Variants in PRDM5 observed in about 807,000 individuals in gnomAD.
PRDM5 encodes PR/SET domain 5.
PRDM5 carries 56 observed loss-of-function variants against 81.2 expected under a neutral mutation model. The ratio of observed to expected loss-of-function variants is 0.69; its 90% confidence interval spans 0.56 to 0.86. The LOEUF (loss-of-function observed/expected upper bound fraction) is 0.86. PRDM5 is among the 40% of genes least tolerant of loss of function. The pLI is 0.00. For synonymous variants in PRDM5, 267 were observed against 256.4 expected (o/e 1.04, Z -0.39); for missense variants, 697 against 770.1 (o/e 0.91, Z 1.12).
chr4:120,691,388 C>G (rs1734041582), downstream of PRDM5, among the ~76,000 whole-genome samples: 1 of 152,046 alleles, frequency 6.6e-6, no homozygotes, highest in South Asian at 2.1e-4. Context: ...TCTGAAAAAT[C>G]AAAGTTAAAT....
At chr4:120,916,368 CAGAGCAAGACTGTAT>C (rs1724164921) in intron 1 of PRDM5, among the ~76,000 whole-genome samples, 1 of 148,818 alleles carries the variant, frequency 6.7e-6, no homozygotes, top group Non-Finnish European at 1.5e-5. Context: ...GCCTGGACGA[CAGAGCAAGACTGTAT>C]CTCATAAATA....
At position 120,781,127 on chromosome 4, in the gene PRDM5, G is replaced by A; in HGVS notation, c.1443+16C>T. The A allele has an allele frequency of 6.2e-7, 1 of 1,608,484 alleles. No individual in the cohort carries two copies. The highest frequency in any genetic ancestry group is 8.5e-7 in the Non-Finnish European group (1 of 1,175,470). On this transcript the variant is annotated intron_variant, in intron 12 of 15. Coordinates refer to ENST00000264808, the MANE Select transcript of PRDM5 (RefSeq NM_018699.4). ...AACACGTAATCTGTTCAAACTAACAGAAGACTTCCACTTACTTTCTTATGA... is the reference window on the plus strand; with the variant it reads ...AACACGTAATCTGTTCAAACTAACAAAAGACTTCCACTTACTTTCTTATGA...
chr4:120,800,087 C>T (rs1751922983), intron 8 of PRDM5, among the ~76,000 whole-genome samples: 1 of 152,148 alleles, frequency 6.6e-6, no homozygotes, highest in Admixed American at 6.5e-5. Context: ...AAATATGTAG[C>T]ATGCAGTTAA....
chr4:120,831,578 A>G (rs1756718994), intron 3 of PRDM5, among the ~76,000 whole-genome samples: 1 of 152,132 alleles, frequency 6.6e-6, no homozygotes, highest in Admixed American at 6.5e-5. Context: ...CGATAAGTCT[A>G]TAAAAGAAAT....
intron 5 of PRDM5, chr4:120,818,128 G>A (rs1197153304): frequency 1.9e-6 from 1 of 513,722 alleles, no homozygotes; most frequent in East Asian, 3.3e-5. Flanking sequence ...CAGTGTTTAT[G>A]TGTTAAAATC....
intron 14 of PRDM5, among the ~76,000 whole-genome samples, chr4:120,735,030 A>G (rs1364391476): frequency 6.6e-6 from 1 of 152,234 alleles, no homozygotes; most frequent in Non-Finnish European, 1.5e-5. Flanking sequence ...GACCAAATGC[A>G]TGTTCTTAAA....
At chr4:120,864,001 C>T (rs1760930196) in intron 2 of PRDM5, among the ~76,000 whole-genome samples, 2 of 152,148 alleles carry the variant, frequency 1.3e-5, no homozygotes, top group Non-Finnish European at 1.5e-5. Flanking sequence ...TTCTATCCTC[C>T]AACTAACAGA....
intron 3 of PRDM5, chr4:120,838,689 C>T (rs555160411): frequency 6.5e-6 from 1 of 153,842 alleles, no homozygotes; most frequent in African/African-American, 2.4e-5. Flanking sequence ...CAGTTTACAA[C>T]AGGTTTTGCA....
intron 14 of PRDM5, among the ~76,000 whole-genome samples, chr4:120,738,129 T>C (rs1285534877): frequency 6.6e-6 from 1 of 152,160 alleles, no homozygotes; most frequent in Non-Finnish European, 1.5e-5. Context: ...ACAAAGAAAG[T>C]CCCAAATAGG....
At chr4:120,813,249 A>G (rs4336252) in intron 7 of PRDM5, among the ~76,000 whole-genome samples, 30,289 of 152,150 alleles carry the variant, frequency 0.2, 3,663 homozygotes, top group Non-Finnish European at 0.28. Flanking sequence ...CAAATGCACC[A>G]CAATGAATAA....
chr4:120,751,821 A>G (rs1744055306), intron 14 of PRDM5, among the ~76,000 whole-genome samples: 2 of 152,204 alleles, frequency 1.3e-5, no homozygotes, highest in Non-Finnish European at 2.9e-5. Context: ...GTCACCATAG[A>G]ATGTAAACCT....
Position 120,744,493 on chromosome 4 carries a change from C to G in PRDM5, c.1623+10060G>C, listed in dbSNP as rs536036162. Among the ~76,000 whole-genome samples, 606 of 151,944 alleles carry G rather than the reference C, an allele frequency of 4.0e-3. 2 individuals carry two copies. The highest frequency in any genetic ancestry group is 0.02 in the Middle Eastern group (6 of 294). On this transcript the variant is annotated intron_variant, in intron 14 of 15. Transcript: ENST00000264808. ...TTCAAAAAATTAATGAATCCAGGAG[C>G]TGGTTTTTTGAAAGGATCAACAAAA...
chr4:120,796,766 G>T (rs538664451), intron 10 of PRDM5, among the ~76,000 whole-genome samples: 1 of 152,100 alleles, frequency 6.6e-6, no homozygotes, highest in African/African-American at 2.4e-5. Context: ...GTTGAAATTG[G>T]TATCATAATT....
intron 2 of PRDM5, among the ~76,000 whole-genome samples, chr4:120,892,833 T>C (rs1366858606): frequency 6.6e-6 from 1 of 152,214 alleles, no homozygotes; most frequent in Non-Finnish European, 1.5e-5. Flanking sequence ...GACTGGCTAC[T>C]AGTGGCAGTG....
chr4:120,771,486 A>T (rs115575385), intron 13 of PRDM5, among the ~76,000 whole-genome samples: 6,815 of 152,136 alleles, frequency 0.045, 193 homozygotes, highest in African/African-American at 0.085. Context: ...GCCTTCTTTT[A>T]AAAAAAGTCT....
At chr4:120,841,740 A>C (rs2149393885) in intron 3 of PRDM5, among the ~76,000 whole-genome samples, 1 of 152,296 alleles carries the variant, frequency 6.6e-6, no homozygotes, top group Admixed American at 6.5e-5. Flanking sequence ...TCACACGTAC[A>C]TGGTTGTTAG....
At chr4:120,705,314 GATAA>G (rs545065771) in intron 15 of PRDM5, among the ~76,000 whole-genome samples, 386 of 152,226 alleles carry the variant, frequency 2.5e-3, no homozygotes, top group African/African-American at 8.9e-3. Flanking sequence ...TATAATAAAT[GATAA>G]ATAATTAAAC....
intron 9 of PRDM5, among the ~76,000 whole-genome samples, chr4:120,799,105 C>T (rs1221947471): frequency 1.3e-5 from 2 of 152,002 alleles, no homozygotes; most frequent in African/African-American, 4.8e-5. Context: ...ATTTTCAGAG[C>T]TTATTTTTTT....
intron 2 of PRDM5, among the ~76,000 whole-genome samples, chr4:120,894,081 C>T (rs1764356652): frequency 6.6e-6 from 1 of 152,164 alleles, no homozygotes; most frequent in Non-Finnish European, 1.5e-5. Flanking sequence ...TTCTATATGA[C>T]ACAGTTGTCT....
Sources: allele counts gnomAD v4.1 joint callset (sites outside exome capture counted in the v4.1 genomes callset), GRCh38; gene constraint gnomAD v4.1.1; transcripts MANE v1.5; gene names NCBI Gene and HGNC (gene_info 2026-07-23, HGNC 2026-07-21).